Variants in AATK observed in about 807,000 individuals in gnomAD.
The protein encoded by AATK is serine/threonine-protein kinase LMTK1.
Under a neutral mutation model 114.3 loss-of-function variants are expected in AATK, and 91 were observed. The observed-to-expected ratio is 0.80, with a 90% CI of 0.67 to 0.95. The LOEUF (loss-of-function observed/expected upper bound fraction) is 0.95, where lower values mean the gene tolerates loss of function less well. Ranked by LOEUF, AATK falls within the 40% of genes least tolerant of loss-of-function variation. The pLI is 0.00. For missense variants in AATK, 2,176 were observed against 1,965.2 expected, an observed-to-expected ratio of 1.11 and a Z score of -2.03; for synonymous variants, 1,075 against 916.5, an observed-to-expected ratio of 1.17 and a Z score of -3.12.
At position 81,126,068 on chromosome 17, in the gene AATK, C is replaced by A; in HGVS notation, c.755+359G>T. 2.1e-6 allele frequency: 1 copy of A among 471,660 alleles called. No homozygotes were observed. The highest frequency in any genetic ancestry group is 4.3e-6 in the Non-Finnish European group (1 of 234,010). The allele number at this position is 471,660 out of a possible 1,614,324, so 29.2% of individuals were successfully genotyped here. Reference sequence around the variant, plus strand: ...CTGGCCCAAGCAGGACAGAACCCTCCCTCCAGGGTCCTTCGAAGCAGGGTC... The same window carrying A: ...CTGGCCCAAGCAGGACAGAACCCTCACTCCAGGGTCCTTCGAAGCAGGGTC... On this transcript the variant is annotated intron_variant, in intron 7 of 13. Transcript: ENST00000326724. This position sits in a 1 kb window ranked among gnomAD's most constrained non-coding sequence, Gnocchi z 5.1.
At chr17:81,157,116 A>G (rs534408124) in intron 1 of AATK, among the ~76,000 whole-genome samples, 3 of 152,300 alleles carry the variant, frequency 2.0e-5, no homozygotes, top group African/African-American at 7.2e-5. Context: ...TCTGGGTGGC[A>G]GGTGAGGACA....
At chr17:81,165,782 A>G (rs1335038023) in intron 1 of AATK, 156 bp downstream of exon 1, 1 of 1,505,156 alleles carries the variant, frequency 6.6e-7, no homozygotes, top group Non-Finnish European at 8.9e-7. Flanking sequence ...CCCCTCCGAG[A>G]TCTGGGGCCG....
intron 2 of AATK, chr17:81,132,640 G>T: frequency 3.5e-6 from 1 of 288,878 alleles, no homozygotes; most frequent in Non-Finnish European, 7.2e-6. Flanking sequence ...GGTCGGGCCC[G>T]GGCTCCAGGC....
In AATK at chr17:81,122,406, G is replaced by A. The variant is rs774053194; in HGVS notation, c.1530C>T (p.Gly510=). The A allele has an allele frequency of 5.1e-5, 75 of 1,465,774 alleles. No homozygotes were observed. Among genetic ancestry groups the A allele is most frequent in the Non-Finnish European group, 6.4e-5 (71 of 1,112,590 alleles). 90.8% of individuals were successfully genotyped at this position (1,465,774 alleles called of 1,614,324 possible). A position where few individuals can be genotyped will look rare whatever the true frequency, so the allele number is the denominator to read the frequency against. Residue 510 remains glycine, a synonymous_variant, in exon 11 of 14, where the codon GGC becomes GGT. Transcript: ENST00000326724. ...ARLQELCAPD[G]APPGVVPVLS... is the part of the protein sequence containing the mutation. The stretch of plus-strand genomic sequence containing the variant: ...GCACCGGAACCACGCCCGGGGGCGC[G>A]CCGTCGGGGGCGCACAGCTCCTGCA...
chr17:81,146,391 G>A (rs1294198120), intron 1 of AATK, among the ~76,000 whole-genome samples: 2 of 151,464 alleles, frequency 1.3e-5, no homozygotes, highest in Non-Finnish European at 1.5e-5. Flanking sequence ...AGCAAACTAC[G>A]TGAAGTCAGC....
Position 81,122,067 on chromosome 17 carries a change from T to C in AATK, c.1869A>G (p.Gly623=), listed in dbSNP as rs770016564. Residue 623 remains glycine, a synonymous_variant, in exon 11 of 14, where the codon GGA becomes GGG. Transcript: ENST00000326724. ...CCACGCCCCAGTCTGCATCCTCCGC[T>C]CCTCCCTCCGCCAGACTCAGGGGCC... is the stretch of plus-strand genomic sequence containing the variant. ...SAGPLSLAEG[G]AEDADWGVAA... is the part of the protein sequence containing the mutation. 23 of 1,589,822 alleles carry C rather than the reference T, an allele frequency of 1.4e-5. No individual in the cohort carries two copies. The Admixed American group carries it at 3.6e-4, about 25-fold the overall frequency.
chr17:81,154,315 CTTTCTT>C (rs2061334536), intron 1 of AATK, among the ~76,000 whole-genome samples: 3 of 120,706 alleles, frequency 2.5e-5, no homozygotes, highest in African/African-American at 9.6e-5. Flanking sequence ...TTAGTTTTTT[CTTTCTT>C]TTTTTTTTTT....
intron 4 of AATK, 59 bp from the exon 5 acceptor site, chr17:81,127,969 G>A (rs2060870450): frequency 6.5e-7 from 1 of 1,539,600 alleles, no homozygotes; most frequent in Non-Finnish European, 8.8e-7. Context: ...CGGCTTCCAG[G>A]CCTTACTCTT....
chr17:81,159,589 G>A (rs748295968), intron 1 of AATK, among the ~76,000 whole-genome samples: 28 of 152,112 alleles, frequency 1.8e-4, no homozygotes, highest in Non-Finnish European at 3.5e-4. Context: ...TGCAGAATCC[G>A]CAGGACCAAG....
chr17:81,146,537 G>A (rs981736821), intron 1 of AATK, among the ~76,000 whole-genome samples: 3 of 151,964 alleles, frequency 2.0e-5, no homozygotes, highest in African/African-American at 7.3e-5. Context: ...CCAACATGGC[G>A]AAACCTTGTC....
intron 2 of AATK, among the ~76,000 whole-genome samples, chr17:81,131,563 C>T (rs545467483): frequency 2.6e-5 from 4 of 152,296 alleles, no homozygotes; most frequent in South Asian, 2.1e-4. Context: ...CCCTCCCTGG[C>T]GGGCAGCCCA....
chr17:81,151,741 A>G (rs61473667), intron 1 of AATK, among the ~76,000 whole-genome samples: 5,315 of 152,298 alleles, frequency 0.035, 170 homozygotes, highest in East Asian at 0.13. Flanking sequence ...CACAGTCACC[A>G]GAGGGTTGCA....
chr17:81,118,592 C>T (rs2060604165), intron 13 of AATK, 150 bp from the exon 14 acceptor site: 2 of 759,156 alleles, frequency 2.6e-6, no homozygotes, highest in Non-Finnish European at 4.4e-6. Flanking sequence ...GAGAGATGGA[C>T]CCATTTCCCC....
Position 81,121,516 on chromosome 17 carries a change from G to A in AATK, c.2420C>T (p.Ala807Val), listed in dbSNP as rs763357060. 1 of 1,546,922 alleles carries A rather than the reference G, an allele frequency of 6.5e-7. No individual in the cohort carries two copies. The highest frequency in any genetic ancestry group is 8.7e-7 in the Non-Finnish European group (1 of 1,144,328). Reference sequence around the variant, plus strand: ...ACTGGCCTCCTCCGAGGGAAGTGGGGCTCCCTCCTGGGATGGGGAGGGGAC... The same window carrying A: ...ACTGGCCTCCTCCGAGGGAAGTGGGACTCCCTCCTGGGATGGGGAGGGGAC... ...PSVPSPSQEG[A>V]PLPSEEASAP... Residue 807 changes from alanine to valine, a missense_variant, in exon 11 of 14, where the codon GCC (alanine) becomes GTC (valine). Physicochemically the swap from Ala to Val is moderately conservative, Grantham distance 64. Around this residue, in one of 4 missense-constraint regions of AATK, gnomAD observed 1,701 missense variants for 1,394.7 expected, o/e 1.22. Transcript: ENST00000326724.
intron 1 of AATK, among the ~76,000 whole-genome samples, chr17:81,146,782 A>AATC (rs1452461325): frequency 5.9e-5 from 9 of 151,888 alleles, no homozygotes; most frequent in African/African-American, 1.9e-4. Flanking sequence ...CCTTGATCAT[A>AATC]AAGAAATGCA....
At chr17:81,140,732 G>A (rs1193447533) in intron 1 of AATK, among the ~76,000 whole-genome samples, 8 of 96,956 alleles carry the variant, frequency 8.3e-5, no homozygotes, top group South Asian at 7.6e-4. Context: ...GCTGTGAGCC[G>A]TGGGGCCGGG....
Position 81,126,463 on chromosome 17 carries a change from CCACAGGCCACCT to C in AATK, c.707_718del (p.Glu236_Cys239del). ...ATTGTTGCGATGAAGGTGCAGGACG[CCACAGGCCACCT>C]CACAGGCCATGCGCTGCAGGGTCCG... On this transcript the variant is annotated inframe_deletion, in exon 7 of 14. Coordinates refer to ENST00000326724, the MANE Select transcript of AATK (RefSeq NM_001080395.3). This position sits in a 1 kb window ranked among gnomAD's most constrained non-coding sequence, Gnocchi z 5.1. 6.4e-7 allele frequency: 1 copy of C among 1,559,248 alleles called. No homozygotes were observed.
At chr17:81,144,390 G>T (rs2061186024) in intron 1 of AATK, among the ~76,000 whole-genome samples, 1 of 152,208 alleles carries the variant, frequency 6.6e-6, no homozygotes, top group South Asian at 2.1e-4. Flanking sequence ...CCTGGGGCAA[G>T]GTAGCCAGGA....
At position 81,119,970 on chromosome 17, in the gene AATK, A is replaced by G. The variant is rs1391697320; in HGVS notation, c.3849T>C (p.Ala1283=). The change falls in exon 12 of 14, where the codon GCT becomes GCC. Residue 1283 remains alanine, a synonymous_variant. Coordinates refer to ENST00000326724, the MANE Select transcript of AATK (RefSeq NM_001080395.3). ...SPSAPNRPQQ[A]DGSPNGSTAE... ...CTGTGGAGCCATTTGGGGAGCCATC[A>G]GCCTGCTGCGGCCGGTTGGGGGCGC... 2 of 1,449,414 alleles carry G rather than the reference A, an allele frequency of 1.4e-6. No homozygotes were observed. Among genetic ancestry groups the G allele is most frequent in the Non-Finnish European group, 1.8e-6 (2 of 1,101,922 alleles). The allele number at this position is 1,449,414 out of a possible 1,614,324, so 89.8% of individuals were successfully genotyped here. A position where few individuals can be genotyped will look rare whatever the true frequency, so the allele number is the denominator to read the frequency against.
Sources: gnomAD v4.1 joint callset for allele counts (sites outside exome capture counted in the v4.1 genomes callset) on GRCh38, gnomAD v4.1.1 for gene constraint, gnomAD v4.1.1 regional missense constraint, Gnocchi (gnomAD v3.1) non-coding constraint, MANE v1.5 for transcripts, NCBI Gene and HGNC (gene_info 2026-07-23, HGNC 2026-07-21) for gene names.